The following ADAMTS19 variants were observed in gnomAD, a reference collection of about 807,000 sequenced individuals.
ADAMTS19 encodes ADAM metallopeptidase with thrombospondin type 1 motif 19.
Under a neutral mutation model 153.3 loss-of-function variants are expected in ADAMTS19, and 93 were observed. The ratio of observed to expected loss-of-function variants is 0.61; its 90% CI spans 0.51 to 0.72. The LOEUF is 0.72. ADAMTS19 is among the 30% of genes least tolerant of loss of function. The pLI, the probability that ADAMTS19 is intolerant of heterozygous loss-of-function variation, is 0.00. For synonymous variants in ADAMTS19, 600 were observed against 556.6 expected, an observed-to-expected ratio of 1.08 and a Z score of -1.10; for missense variants, 1,482 against 1,552.1, an observed-to-expected ratio of 0.95 and a Z score of 0.76.
intron 7 of ADAMTS19, among the ~76,000 whole-genome samples, chr5:129,554,363 G>A (rs868229512): frequency 1.3e-4 from 20 of 152,264 alleles, no homozygotes; most frequent in Non-Finnish European, 2.5e-4. Flanking sequence ...GGCCTCTCAT[G>A]GGGATTGTTT....
intron 19 of ADAMTS19, among the ~76,000 whole-genome samples, chr5:129,696,718 A>T (rs969285447): frequency 9.2e-5 from 14 of 152,108 alleles, no homozygotes; most frequent in African/African-American, 3.4e-4. Context: ...CCATTGGGGG[A>T]GGGGTGACTT....
chr5:129,699,840 T>C (rs1009108070), intron 19 of ADAMTS19, among the ~76,000 whole-genome samples: 11 of 152,154 alleles, frequency 7.2e-5, no homozygotes, highest in African/African-American at 2.7e-4. Context: ...TATGAATAAG[T>C]ATGAATCATT....
intron 16 of ADAMTS19, among the ~76,000 whole-genome samples, chr5:129,678,170 T>C (rs1209283793): frequency 6.6e-6 from 1 of 152,116 alleles, no homozygotes; most frequent in South Asian, 2.1e-4. Context: ...GTCTGGCTAG[T>C]CCTCATTTCT....
intron 7 of ADAMTS19, among the ~76,000 whole-genome samples, chr5:129,579,800 T>C (rs981156506): frequency 7.9e-5 from 12 of 152,312 alleles, no homozygotes; most frequent in African/African-American, 2.6e-4. Context: ...TCTATATATC[T>C]GTTTTTTTAC....
At chr5:129,692,094 A>C (rs1755364669) in intron 18 of ADAMTS19, among the ~76,000 whole-genome samples, 1 of 152,206 alleles carries the variant, frequency 6.6e-6, no homozygotes, top group Non-Finnish European at 1.5e-5. Flanking sequence ...TTTTAGAACT[A>C]ACATTTATAC....
chr5:129,584,536 A>C (rs1304338659), intron 7 of ADAMTS19, among the ~76,000 whole-genome samples: 1 of 152,090 alleles, frequency 6.6e-6, no homozygotes, highest in East Asian at 1.9e-4. Context: ...GGGAGATGGG[A>C]GTTTGATCTA....
Position 129,727,353 on chromosome 5 carries a change from A to T in ADAMTS19, c.3313-7579A>T, listed in dbSNP as rs568789286. ...CACCCTATCTAAAGATGAATCATGCATATGAATTGTCCTTAGAGCAAAAGT... is the reference window on the plus strand; with the variant it reads ...CACCCTATCTAAAGATGAATCATGCTTATGAATTGTCCTTAGAGCAAAAGT... On this transcript the variant is annotated intron_variant, in intron 21 of 22. Transcript: ENST00000274487. Among the ~76,000 whole-genome samples the T allele has an allele frequency of 3.9e-3, 593 of 152,338 alleles. 4 individuals are homozygous for T. Among genetic ancestry groups the T allele is most frequent in the African/African-American group, 0.014 (569 of 41,576 alleles).
rs1242958982 is a variant in ADAMTS19, at chr5:129,737,127, A to T, written c.3551A>T (p.Glu1184Val). 6.2e-7 allele frequency: 1 copy of T among 1,611,258 alleles called. No individual in the cohort carries two copies. The highest frequency in any genetic ancestry group is 8.5e-7 in the Non-Finnish European group (1 of 1,178,236). ...CCAGTGTACTGCCGAGTGATACGTGAAAAGAACCTATGTCAGGACATGCGG... is the reference window on the plus strand; with the variant it reads ...CCAGTGTACTGCCGAGTGATACGTGTAAAGAACCTATGTCAGGACATGCGG... ...QWPVYCRVIR[E>V]KNLCQDMRWY... The change falls in exon 23 of 23, where the codon GAA becomes GTA. Residue 1184 changes from glutamate (E) to valine (V), a missense_variant. Physicochemically the swap from Glu to Val is moderately radical, Grantham distance 121. Transcript: ENST00000274487.
At position 129,737,540 on chromosome 5, in the gene ADAMTS19, C is replaced by G. The variant is rs555512732; in HGVS notation, c.*322C>G. 9 of 163,084 alleles carry G rather than the reference C, an allele frequency of 5.5e-5. No homozygotes were observed. The South Asian group carries it at 1.6e-3, about 30-fold the overall frequency. 10.1% of individuals were successfully genotyped at this position (163,084 alleles called of 1,614,324 possible). A position where few individuals can be genotyped will look rare whatever the true frequency, so the allele number is the denominator to read the frequency against. ...TGTTAGGGCTATCTCTAAGGTGCTACTCTCTCCCCACCAATAACATTGAAT... is the reference window on the plus strand; with the variant it reads ...TGTTAGGGCTATCTCTAAGGTGCTAGTCTCTCCCCACCAATAACATTGAAT... On this transcript the variant is annotated 3_prime_UTR_variant, in exon 23 of 23. Transcript: ENST00000274487.
chr5:129,538,600 G>A (rs1320275875), intron 6 of ADAMTS19, among the ~76,000 whole-genome samples: 2 of 152,022 alleles, frequency 1.3e-5, no homozygotes, highest in South Asian at 2.1e-4. Context: ...AGAAAGCATA[G>A]TGTGATATAT....
chr5:129,735,697 T>C (rs1249831976), intron 22 of ADAMTS19, among the ~76,000 whole-genome samples: 1 of 152,056 alleles, frequency 6.6e-6, no homozygotes, highest in Admixed American at 6.6e-5. Context: ...AATGCCTTCA[T>C]ATATATATCC....
intron 10 of ADAMTS19, among the ~76,000 whole-genome samples, chr5:129,628,602 G>T (rs1257958341): frequency 6.6e-6 from 1 of 152,052 alleles, no homozygotes; most frequent in African/African-American, 2.4e-5. Context: ...GTGTCAGGAA[G>T]TATAACTTAA....
intron 15 of ADAMTS19, among the ~76,000 whole-genome samples, chr5:129,663,697 C>A (rs1190803681): frequency 6.6e-6 from 1 of 152,184 alleles, no homozygotes; most frequent in Non-Finnish European, 1.5e-5. Context: ...ACAACTATAT[C>A]CCTGTTCCTC....
intron 10 of ADAMTS19, among the ~76,000 whole-genome samples, chr5:129,638,227 T>A (rs762438206): frequency 2.0e-5 from 3 of 152,128 alleles, no homozygotes; most frequent in Non-Finnish European, 2.9e-5. Flanking sequence ...ACAGGTGTAT[T>A]TTTGTGGGAA....
intron 19 of ADAMTS19, among the ~76,000 whole-genome samples, chr5:129,700,657 A>G (rs944352426): frequency 7.2e-5 from 11 of 152,190 alleles, no homozygotes; most frequent in Non-Finnish European, 1.3e-4. Context: ...TACCCAATAC[A>G]TAGGGCTATT....
intron 2 of ADAMTS19, among the ~76,000 whole-genome samples, chr5:129,481,521 A>G (rs1331380727): frequency 1.3e-5 from 2 of 152,084 alleles, no homozygotes; most frequent in Admixed American, 1.3e-4. Context: ...AGTGTCCTTA[A>G]CAGTTTCCTA....
At chr5:129,498,501 G>A (rs1750997310) in intron 2 of ADAMTS19, among the ~76,000 whole-genome samples, 1 of 151,686 alleles carries the variant, frequency 6.6e-6, no homozygotes, top group South Asian at 2.1e-4. Flanking sequence ...TTCTTTATTT[G>A]TTACTTTTTG....
intron 6 of ADAMTS19, among the ~76,000 whole-genome samples, chr5:129,531,618 C>T (rs1354726401): frequency 6.6e-6 from 1 of 152,110 alleles, no homozygotes; most frequent in Non-Finnish European, 1.5e-5. Context: ...GAGCAAGACT[C>T]TGTCTCAAAC....
chr5:129,720,296 C>CGAGTA (rs1485915032), intron 21 of ADAMTS19, among the ~76,000 whole-genome samples: 1 of 151,398 alleles, frequency 6.6e-6, no homozygotes, highest in Admixed American at 6.6e-5. Flanking sequence ...CTCAGCCTCC[C>CGAGTA]GAGTAGCTAG....
Sources: gnomAD v4.1 joint callset for allele counts (sites outside exome capture counted in the v4.1 genomes callset) on GRCh38, gnomAD v4.1.1 for gene constraint, MANE v1.5 for transcripts, NCBI Gene and HGNC (gene_info 2026-07-23, HGNC 2026-07-21) for gene names.